PRMT8: variants seen among roughly 807,000 people sequenced by gnomAD.
PRMT8 encodes protein arginine N-methyltransferase 8.
In PRMT8, 7 loss-of-function variants were observed where a neutral mutation model predicts 47.1. The observed-to-expected ratio is 0.15, with a 90% CI of 0.08 to 0.28. The LOEUF (loss-of-function observed/expected upper bound fraction) is 0.28. Ranked by LOEUF, PRMT8 falls within the 10% of genes least tolerant of loss-of-function variation. PRMT8 has a pLI of 1.00. For missense variants in PRMT8, 237 were observed against 505.4 expected (o/e 0.47, Z 5.09); for synonymous variants, 188 against 186.5 (o/e 1.01, Z -0.07).
chr12:3,551,668 C>A (rs1212565235), intron 3 of PRMT8: 1 of 152,270 alleles, frequency 6.6e-6, no homozygotes, highest in African/African-American at 2.4e-5. Context: ...TCTAACAGCT[C>A]TTTTATAAAT....
intron 1 of PRMT8, among the ~76,000 whole-genome samples, chr12:3,473,639 C>T (rs182818635): frequency 1.5e-4 from 23 of 152,274 alleles, no homozygotes; most frequent in Middle Eastern, 3.4e-3. Context: ...CAGGTCTGCA[C>T]GGCCACCTGT....
intron 1 of PRMT8, among the ~76,000 whole-genome samples, chr12:3,407,098 C>T (rs1003767570): frequency 6.6e-6 from 1 of 152,180 alleles, no homozygotes; most frequent in African/African-American, 2.4e-5. Context: ...ACATGTCCTT[C>T]TTAATATGGT....
chr12:3,452,895 TG>T (rs1441119195), intron 1 of PRMT8, among the ~76,000 whole-genome samples: 1 of 151,686 alleles, frequency 6.6e-6, no homozygotes, highest in Non-Finnish European at 1.5e-5. Context: ...TAAGGGCGAG[TG>T]GGGTGGTGAG....
At chr12:3,529,171 C>T (rs1865989602) in intron 1 of PRMT8, among the ~76,000 whole-genome samples, 1 of 152,150 alleles carries the variant, frequency 6.6e-6, no homozygotes, top group Non-Finnish European at 1.5e-5. Context: ...GTCTTGCTGT[C>T]CCCAGATTCC....
At chr12:3,469,301 CT>C in intron 1 of PRMT8, 1 of 427,958 alleles carries the variant, frequency 2.3e-6, no homozygotes, top group East Asian at 6.4e-5. Flanking sequence ...ATGTAAGGAG[CT>C]GAGTCCTTAA....
rs575881858 is a variant in PRMT8, at chr12:3,450,513, C to A, written c.48+69071C>A. Among the ~76,000 whole-genome samples the A allele has an allele frequency of 4.6e-5, 7 of 152,302 alleles. No individual in the cohort carries two copies. The East Asian group carries it at 1.4e-3, about 29-fold the overall frequency. The stretch of plus-strand genomic sequence containing the variant: ...TTCCTCTTGAAAGCTCAGGTTGTAT[C>A]ATTGGTCAAATTACTATCAGTTTTC... On this transcript the variant is annotated intron_variant, in intron 1 of 9. Coordinates refer to the PRMT8 transcript ENST00000452611.
chr12:3,525,809 G>A (rs1865942912), intron 1 of PRMT8, among the ~76,000 whole-genome samples: 1 of 152,138 alleles, frequency 6.6e-6, no homozygotes, highest in Non-Finnish European at 1.5e-5. Context: ...AAATACATTT[G>A]TCTATTTCTC....
chr12:3,400,135 G>T (rs1864302426), intron 1 of PRMT8, among the ~76,000 whole-genome samples: 1 of 151,998 alleles, frequency 6.6e-6, no homozygotes, highest in Admixed American at 6.6e-5. Flanking sequence ...CCCAAAGCTA[G>T]CAGAAACCAA....
chr12:3,535,333 C>A lies in PRMT8; in HGVS notation c.76-5273C>A, dbSNP rs746993092. On this transcript the variant is annotated intron_variant, in intron 1 of 9. Coordinates refer to ENST00000382622, the MANE Select transcript of PRMT8 (RefSeq NM_019854.5). This position sits in a 1 kb window ranked among gnomAD's most constrained non-coding sequence, Gnocchi z 4.7. Reference sequence around the variant, plus strand: ...TTATTTATTAGGGAGAAAAACTGTGCTGAAGCTGCCCTGGGTAAGGCCAGT... The same window carrying A: ...TTATTTATTAGGGAGAAAAACTGTGATGAAGCTGCCCTGGGTAAGGCCAGT... Among the ~76,000 whole-genome samples, 6 of 152,186 alleles carry A rather than the reference C, an allele frequency of 3.9e-5. No homozygotes were observed. The highest frequency in any genetic ancestry group is 7.3e-5 in the Non-Finnish European group (5 of 68,042).
intron 1 of PRMT8, among the ~76,000 whole-genome samples, chr12:3,448,769 T>C (rs7307847): frequency 0.49 from 73,808 of 152,010 alleles, 18,388 homozygotes; most frequent in African/African-American, 0.55. Flanking sequence ...GATACATGTG[T>C]AGGACATGCA....
intron 1 of PRMT8, among the ~76,000 whole-genome samples, chr12:3,450,237 T>A (rs769634378): frequency 6.6e-6 from 1 of 152,222 alleles, no homozygotes; most frequent in Non-Finnish European, 1.5e-5. Context: ...TGAAACCACA[T>A]CAATACACTT....
At chr12:3,451,770 A>G (rs1864921385) in intron 1 of PRMT8, among the ~76,000 whole-genome samples, 1 of 152,110 alleles carries the variant, frequency 6.6e-6, no homozygotes, top group Non-Finnish European at 1.5e-5. Flanking sequence ...CACTTAAAGG[A>G]AACCTCTGGA....
At chr12:3,481,842 T>C (rs1480963271) in intron 1 of PRMT8, among the ~76,000 whole-genome samples, 1 of 152,088 alleles carries the variant, frequency 6.6e-6, no homozygotes, top group Non-Finnish European at 1.5e-5. Flanking sequence ...CCTTAGAAGC[T>C]CTCCTGAGAT....
At chr12:3,582,662 A>G (rs181372180) in intron 7 of PRMT8, among the ~76,000 whole-genome samples, 1 of 152,186 alleles carries the variant, frequency 6.6e-6, no homozygotes, top group African/African-American at 2.4e-5. Context: ...TTCAGGGACC[A>G]CATTTTAAGA....
At chr12:3,458,791 T>A (rs959062366) in intron 1 of PRMT8, among the ~76,000 whole-genome samples, 9 of 152,206 alleles carry the variant, frequency 5.9e-5, no homozygotes, top group African/African-American at 1.7e-4. Context: ...CAGTCATCAC[T>A]GTGGCCAGTG....
rs1302944489 is a variant in PRMT8 at position 3,408,378 on chromosome 12, C to T, written c.48+26936C>T. On this transcript the variant is annotated intron_variant, in intron 1 of 9. Coordinates refer to the PRMT8 transcript ENST00000452611. ...CCTCTCAAGTAGCTAGGACTACAGG[C>T]ACTCAACAATATCCTTGGCTAAATT... Among the ~76,000 whole-genome samples the T allele has an allele frequency of 2.0e-5, 3 of 152,034 alleles. No homozygotes were observed. The East Asian group carries it at 5.8e-4, about 29-fold the overall frequency.
chr12:3,457,308 A>G (rs887022180), intron 1 of PRMT8, among the ~76,000 whole-genome samples: 2 of 151,196 alleles, frequency 1.3e-5, no homozygotes, highest in African/African-American at 4.9e-5. Flanking sequence ...TGCTAAGCAT[A>G]TTTTTTTTTC....
At chr12:3,473,282 T>G (rs1304263470) in intron 1 of PRMT8, among the ~76,000 whole-genome samples, 1 of 152,104 alleles carries the variant, frequency 6.6e-6, no homozygotes, top group Non-Finnish European at 1.5e-5. Context: ...CTTTGGATCA[T>G]AAAGCCCAAC....
At chr12:3,498,422 ACCAG>A (rs1471893333) in intron 1 of PRMT8, among the ~76,000 whole-genome samples, 1 of 152,242 alleles carries the variant, frequency 6.6e-6, no homozygotes, top group African/African-American at 2.4e-5. Flanking sequence ...AGGAAGAGAC[ACCAG>A]CCCAGCTTTC....
Sources: allele counts gnomAD v4.1 joint callset (sites outside exome capture counted in the v4.1 genomes callset), GRCh38; gene constraint gnomAD v4.1.1; non-coding constraint Gnocchi (gnomAD v3.1); transcripts MANE v1.5; gene names NCBI Gene and HGNC (gene_info 2026-07-23, HGNC 2026-07-21).